VILL: variants seen among roughly 807,000 people sequenced by gnomAD.
VILL encodes the protein villin-like protein.
Under a neutral mutation model 106.3 loss-of-function variants are expected in VILL, and 102 were observed. That is an observed-to-expected ratio of 0.96 (90% confidence interval 0.82 to 1.13). The LOEUF (loss-of-function observed/expected upper bound fraction) is 1.13. VILL is among the 50% of genes most tolerant of loss of function. The probability of loss-of-function intolerance (pLI) is 0.00; values close to 1 mark genes in which losing one functional copy is unlikely to be tolerated. For synonymous variants in VILL, 431 were observed against 440.3 expected, an observed-to-expected ratio of 0.98 and a Z score of 0.27; for missense variants, 1,076 against 1,116.6, an observed-to-expected ratio of 0.96 and a Z score of 0.52.
At chr3:37,988,619 T>C (rs1699575989), upstream of VILL, among the ~76,000 whole-genome samples, 1 of 152,166 alleles carries the variant, frequency 6.6e-6, no homozygotes, top group Admixed American at 6.5e-5. Context: ...TCCCAACACT[T>C]TGGGAGGCTG....
upstream of VILL, among the ~76,000 whole-genome samples, chr3:37,990,404 T>C (rs1257827201): frequency 6.6e-6 from 1 of 152,120 alleles, no homozygotes; most frequent in Non-Finnish European, 1.5e-5. The surrounding 1 kb of genome is among the most constrained non-coding windows in gnomAD (Gnocchi z 5.1). Flanking sequence ...CCTCCTAAAG[T>C]TTGCTGGAGT....
chr3:37,996,837 C>G (rs1225926766), intron 5 of VILL, among the ~76,000 whole-genome samples: 1 of 152,112 alleles, frequency 6.6e-6, no homozygotes, highest in Non-Finnish European at 1.5e-5. Flanking sequence ...AAAAGATAAA[C>G]AGATACACCC....
chr3:38,000,046 C>T (rs770978921), intron 11 of VILL, among the ~76,000 whole-genome samples: 3 of 152,242 alleles, frequency 2.0e-5, no homozygotes, highest in Non-Finnish European at 4.4e-5. Context: ...GTTGGCTGAC[C>T]CCCTAGGCAG....
intron 5 of VILL, 44 bp downstream of exon 5, chr3:37,995,891 G>A (rs754196179): frequency 3.9e-6 from 6 of 1,544,726 alleles, no homozygotes; most frequent in Non-Finnish European, 5.4e-6. Flanking sequence ...ACTCGGCTCA[G>A]ACTGGGTGTA....
chr3:38,005,769 G>A (rs746534342), intron 16 of VILL, 23 bp from the exon 17 acceptor site: 3 of 1,592,836 alleles, frequency 1.9e-6, no homozygotes, highest in Non-Finnish European at 2.6e-6. Context: ...CCTGCCCAAG[G>A]CCAGGTCCCC....
chr3:37,997,697 TGGGGTGGGCA>T lies in VILL; in HGVS notation c.764+21_764+30del. The stretch of plus-strand genomic sequence containing the variant: ...GTTCGCCTGTACCAGTGAGTACCCC[TGGGGTGGGCA>T]GGGGTGGGTGGGACAGTCCAGGACT... On this transcript the variant is annotated intron_variant, in intron 7 of 19. Coordinates refer to ENST00000383759, the MANE Select transcript of VILL (RefSeq NM_015873.4). The surrounding 1 kb of genome is among the most constrained non-coding windows in gnomAD (Gnocchi z 4.7). 1.5e-6 allele frequency: 1 copy of T among 672,510 alleles called. No individual in the cohort carries two copies. The highest frequency in any genetic ancestry group is 2.5e-6 in the Non-Finnish European group (1 of 393,618). 41.7% of individuals were successfully genotyped at this position (672,510 alleles called of 1,614,324 possible). A position where few individuals can be genotyped will look rare whatever the true frequency, so the allele number is the denominator to read the frequency against.
At position 37,997,434 on chromosome 3, in the gene VILL, G is replaced by A. The variant is rs764162195; in HGVS notation, c.562-49G>A. On this transcript the variant is annotated intron_variant, in intron 6 of 19. Transcript: ENST00000383759. The surrounding 1 kb of genome is among the most constrained non-coding windows in gnomAD (Gnocchi z 4.7). Reference sequence around the variant, plus strand: ...AGCAGTGACAGGAGAAGTCTCTGCTGTGAGAGGGCACACTGGTGACACCCT... The same window carrying A: ...AGCAGTGACAGGAGAAGTCTCTGCTATGAGAGGGCACACTGGTGACACCCT... 3 of 1,594,414 alleles carry A rather than the reference G, an allele frequency of 1.9e-6. No homozygotes were observed. The highest frequency in any genetic ancestry group is 2.2e-5 in the South Asian group (2 of 90,232).
rs1699730713 is a variant in VILL, at chr3:37,997,702, T to C, written c.764+17T>C. The stretch of plus-strand genomic sequence containing the variant: ...CCTGTACCAGTGAGTACCCCTGGGG[T>C]GGGCAGGGGTGGGTGGGACAGTCCA... On this transcript the variant is annotated intron_variant, in intron 7 of 19. Coordinates refer to ENST00000383759, the MANE Select transcript of VILL (RefSeq NM_015873.4). The surrounding 1 kb of genome is among the most constrained non-coding windows in gnomAD (Gnocchi z 4.7). 1 of 605,954 alleles carries C rather than the reference T, an allele frequency of 1.7e-6. No individual in the cohort carries two copies. Among genetic ancestry groups the C allele is most frequent in the African/African-American group, 2.1e-5 (1 of 48,392 alleles). 37.5% of individuals were successfully genotyped at this position (605,954 alleles called of 1,614,324 possible).
In VILL at chr3:38,003,180, G is replaced by T. The variant is rs778144186; in HGVS notation, c.1672G>T (p.Asp558Tyr). The change falls in exon 15 of 20, where the codon GAT becomes TAT. Residue 558 changes from aspartate (D) to tyrosine (Y), a missense_variant. Asp to Tyr is a radical substitution (Grantham distance 160). Transcript: ENST00000383759. Reference sequence around the variant, plus strand: ...CTTTGCCTGCTAGGGCTGTAATGGTGATCAGCGTGAGATGGCACGGGTGGT... The same window carrying T: ...CTTTGCCTGCTAGGGCTGTAATGGTTATCAGCGTGAGATGGCACGGGTGGT... ...YLWFGKGCNG[D>Y]QREMARVVVT... The T allele has an allele frequency of 8.1e-6, 13 of 1,613,930 alleles. No individual in the cohort carries two copies. The highest frequency in any genetic ancestry group is 1.1e-5 in the Non-Finnish European group (13 of 1,179,946).
chr3:37,997,645 G>T lies in VILL; in HGVS notation c.724G>T (p.Asp242Tyr). Residue 242 changes from aspartate to tyrosine, a missense_variant, in exon 7 of 20, where the codon GAT becomes TAT. Transcript: ENST00000383759. This position sits in a 1 kb window ranked among gnomAD's most constrained non-coding sequence, Gnocchi z 4.7. The part of the protein sequence containing the change: ...GSLRAATPSK[D>Y]INQLQKANVR... The stretch of plus-strand genomic sequence containing the variant: ...CCTGCGTGCCGCCACGCCCAGCAAG[G>T]ATATCAACCAGCTGCAGAAGGCCAA... 1 of 1,413,612 alleles carries T rather than the reference G, an allele frequency of 7.1e-7. No homozygotes were observed. The allele number at this position is 1,413,612 out of a possible 1,614,324, so 87.6% of individuals were successfully genotyped here.
Position 38,006,589 on chromosome 3 carries a change from C to T in VILL, c.2346C>T (p.Ser782=). The change falls in exon 19 of 20, where the codon AGC becomes AGT. Residue 782 remains serine, a synonymous_variant. Coordinates refer to ENST00000383759, the MANE Select transcript of VILL (RefSeq NM_015873.4). The stretch of plus-strand genomic sequence containing the variant: ...CCAAGTCGGCTGGCAGCAGAACCAG[C>T]AGCTCCGTCAGCAGCACCAGCGCCA... The part of the protein sequence containing the change: ...RSPKSAGSRT[S]SSVSSTSATI... 6.2e-7 allele frequency: 1 copy of T among 1,614,130 alleles called. No homozygotes were observed. The highest frequency in any genetic ancestry group is 1.1e-5 in the South Asian group (1 of 91,086).
chr3:37,999,392 T>G lies in VILL; in HGVS notation c.1135T>G (p.Leu379Val). 6.6e-7 allele frequency: 1 copy of G among 1,504,684 alleles called. No homozygotes were observed. The highest frequency in any genetic ancestry group is 1.5e-5 in the African/African-American group (1 of 68,766). The allele number at this position is 1,504,684 out of a possible 1,614,324, so 93.2% of individuals were successfully genotyped here. A position where few individuals can be genotyped will look rare whatever the true frequency, so the allele number is the denominator to read the frequency against. Residue 379 changes from leucine (L) to valine (V), a missense_variant, in exon 11 of 20, where the codon TTA becomes GTA. Physicochemically the swap from Leu to Val is conservative, Grantham distance 32 (BLOSUM62 1). Coordinates refer to ENST00000383759, the MANE Select transcript of VILL (RefSeq NM_015873.4). ...DVGKLHTQPK[L>V]AAQLRMVDDG... The stretch of plus-strand genomic sequence containing the variant: ...GGGCAAGCTGCACACCCAGCCTAAG[T>G]TAGCGGCCCAGCTCAGGATGGTGGA...
rs955646956 is a variant in VILL, at chr3:37,999,174, G to A, written c.1081+124G>A. The A allele has an allele frequency of 4.0e-6, 5 of 1,238,632 alleles. No individual in the cohort carries two copies. In the African/African-American group the frequency reaches 4.7e-5, roughly 12 times the overall value. 76.7% of individuals were successfully genotyped at this position (1,238,632 alleles called of 1,614,324 possible). On this transcript the variant is annotated intron_variant, in intron 10 of 19. Transcript: ENST00000383759. ...GCGGGGCCGGAGGGGGCGGGGCCTG[G>A]TCTGCACGGGGCGGAACAGAGCCTC... is the stretch of plus-strand genomic sequence containing the variant.
At chr3:37,995,686 C>A in intron 4 of VILL, 53 bp from the exon 5 acceptor site, 5 of 1,453,950 alleles carry the variant, frequency 3.4e-6, no homozygotes, top group Non-Finnish European at 4.8e-6. Context: ...ACATGGCAGT[C>A]TGTGTTCTTA....
chr3:38,001,575 C>T lies in VILL; in HGVS notation c.1302C>T (p.Tyr434=), dbSNP rs1258480244. ...ACCAGAGGCTGGGCCGTGTCCAGTA[C>T]ATCCTGTACCTATGGCAGGTGTGCC... The part of the protein sequence containing the change: ...YTYQRLGRVQ[Y]ILYLWQGHQA... Residue 434 remains tyrosine, a synonymous_variant, in exon 12 of 20, where the codon TAC becomes TAT. Coordinates refer to ENST00000383759, the MANE Select transcript of VILL (RefSeq NM_015873.4). 1 of 1,614,046 alleles carries T rather than the reference C, an allele frequency of 6.2e-7. No homozygotes were observed.
chr3:38,007,045 G>C lies in VILL; in HGVS notation c.2561G>C (p.Gly854Ala), dbSNP rs766464391. The C allele has an allele frequency of 3.7e-6, 6 of 1,614,028 alleles. No individual in the cohort carries two copies. Among genetic ancestry groups the C allele is most frequent in the Non-Finnish European group, 5.1e-6 (6 of 1,179,944 alleles). ...CAGCGGCAGGAGAAAAAGCAGCTGGGCTTCTTCTGAACCCAAGCCCTCTCG... is the reference window on the plus strand; with the variant it reads ...CAGCGGCAGGAGAAAAAGCAGCTGGCCTTCTTCTGAACCCAAGCCCTCTCG... ...WRQRQEKKQL[G>A]FF The change falls in exon 20 of 20, where the codon GGC (glycine) becomes GCC (alanine). Residue 854 changes from glycine (G) to alanine (A), a missense_variant. Transcript: ENST00000383759.
chr3:37,994,819 G>T (rs916697999), intron 4 of VILL, among the ~76,000 whole-genome samples: 3 of 152,200 alleles, frequency 2.0e-5, no homozygotes, highest in African/African-American at 7.2e-5. Flanking sequence ...TGCCTCTTCC[G>T]GGCATGTCAT....
At chr3:38,006,098 C>A (rs146922581) in intron 17 of VILL, 83 bp from the exon 18 acceptor site, 39 of 1,605,032 alleles carry the variant, frequency 2.4e-5, no homozygotes, top group African/African-American at 9.4e-5. Flanking sequence ...GAGACCTGGT[C>A]TTGTCCTCAG....
chr3:38,000,974 C>T (rs1256207737), intron 11 of VILL: 1 of 457,486 alleles, frequency 2.2e-6, no homozygotes, highest in African/African-American at 2.0e-5. Context: ...CTGCCACCCA[C>T]AGGAAGAAGA....
Sources: allele counts gnomAD v4.1 joint callset (sites outside exome capture counted in the v4.1 genomes callset), GRCh38; gene constraint gnomAD v4.1.1; non-coding constraint Gnocchi (gnomAD v3.1); transcripts MANE v1.5; gene names NCBI Gene and HGNC (gene_info 2026-07-23, HGNC 2026-07-21).